INPP4B: variants seen among roughly 807,000 people sequenced by gnomAD.
INPP4B encodes inositol polyphosphate 4-phosphatase type II.
Under a neutral mutation model 122.5 loss-of-function variants are expected in INPP4B, and 55 were observed. That is an observed-to-expected ratio of 0.45 (90% CI 0.36 to 0.56). INPP4B has a LOEUF of 0.56. Among genes scored for constraint, INPP4B ranks in the 20% least tolerant of loss-of-function variants. INPP4B has a pLI of 0.00. For missense variants in INPP4B, 1,000 were observed against 1,097.7 expected (o/e 0.91, Z 1.26); for synonymous variants, 403 against 388.7 (o/e 1.04, Z -0.43).
At chr4:142,477,826 AC>A (rs1223309087) in intron 2 of INPP4B, among the ~76,000 whole-genome samples, 19 of 152,320 alleles carry the variant, frequency 1.2e-4, no homozygotes, top group African/African-American at 4.3e-4. Context: ...AGATGGATTC[AC>A]AGACAAATTC....
At position 142,024,852 on chromosome 4, in the gene INPP4B, GA is replaced by G. The variant is rs1736545715; in HGVS notation, c.*3929del. 6.6e-6 allele frequency: 1 copy of G among 152,088 alleles called. No homozygotes were observed. The highest frequency in any genetic ancestry group is 2.1e-4 in the South Asian group (1 of 4,826). 9.4% of individuals were successfully genotyped at this position (152,088 alleles called of 1,614,324 possible). The stretch of plus-strand genomic sequence containing the variant: ...CTGAGTTATTGCTTAGACTACAGTT[GA>G]ATTGCTAAGAATTCTCTGGCAAAGC... On this transcript the variant is annotated 3_prime_UTR_variant, in exon 26 of 26. Transcript: ENST00000262992.
chr4:142,679,892 CA>C (rs1263221575), intron 2 of INPP4B, among the ~76,000 whole-genome samples: 2 of 151,116 alleles, frequency 1.3e-5, no homozygotes, highest in Non-Finnish European at 3.0e-5. Flanking sequence ...CTCCCTGTGT[CA>C]AAACGTTAAA....
At chr4:142,388,856 A>C (rs1796777727) in intron 7 of INPP4B, among the ~76,000 whole-genome samples, 1 of 152,088 alleles carries the variant, frequency 6.6e-6, no homozygotes, top group Non-Finnish European at 1.5e-5. Context: ...AATTTTGCAG[A>C]TCTATTTTGC....
chr4:142,647,695 C>A (rs1378155222), intron 2 of INPP4B, among the ~76,000 whole-genome samples: 1 of 152,200 alleles, frequency 6.6e-6, no homozygotes, highest in East Asian at 1.9e-4. Context: ...GATCTGAATT[C>A]TAATCCCCTC....
chr4:142,419,666 T>C (rs574136351), intron 5 of INPP4B, among the ~76,000 whole-genome samples: 1 of 152,120 alleles, frequency 6.6e-6, no homozygotes, highest in East Asian at 1.9e-4. Context: ...TAAGAAGCAT[T>C]TGGGGCAAAG....
chr4:142,385,526 T>C (rs1055847123), intron 7 of INPP4B, among the ~76,000 whole-genome samples: 1 of 152,146 alleles, frequency 6.6e-6, no homozygotes, highest in Admixed American at 6.6e-5. Flanking sequence ...GAATAGGAAA[T>C]GGTCTTACCG....
chr4:142,200,460 C>A (rs1315167110), intron 14 of INPP4B, among the ~76,000 whole-genome samples: 3 of 151,970 alleles, frequency 2.0e-5, no homozygotes, highest in Non-Finnish European at 4.4e-5. Flanking sequence ...GGTGTCACTG[C>A]TTTCCCTTTC....
At chr4:142,741,192 A>G (rs1238684454) in intron 1 of INPP4B, among the ~76,000 whole-genome samples, 1 of 151,952 alleles carries the variant, frequency 6.6e-6, no homozygotes, top group Non-Finnish European at 1.5e-5. Flanking sequence ...TTTATACAGA[A>G]AAGAGATTTA....
intron 2 of INPP4B, among the ~76,000 whole-genome samples, chr4:142,505,548 A>G (rs1327607219): frequency 6.8e-6 from 1 of 146,748 alleles, no homozygotes; most frequent in African/African-American, 2.5e-5. Flanking sequence ...TAAGATTGTG[A>G]AAATAAAATG....
chr4:142,316,593 T>G (rs1192382975), intron 7 of INPP4B, among the ~76,000 whole-genome samples: 1 of 152,174 alleles, frequency 6.6e-6, no homozygotes. Flanking sequence ...TACATTAATT[T>G]TTTAAAAAAT....
In INPP4B at chr4:142,795,628, T is replaced by C. The variant is rs538030358; in HGVS notation, c.-254+50581A>G. ...CCTTCACGAGGCTGTGTGAAAAACATAGCAGAGCTTAGAACAGTATCTGTC... is the reference window on the plus strand; with the variant it reads ...CCTTCACGAGGCTGTGTGAAAAACACAGCAGAGCTTAGAACAGTATCTGTC... On this transcript the variant is annotated intron_variant, in intron 1 of 25. Coordinates refer to ENST00000262992, the MANE Select transcript of INPP4B (RefSeq NM_001101669.3). 1.6e-3 allele frequency: 243 copies of C among 152,122 alleles called. 1 individual carries two copies. The highest frequency in any genetic ancestry group is 5.4e-3 in the African/African-American group (226 of 41,542). 9.4% of individuals were successfully genotyped at this position (152,122 alleles called of 1,614,324 possible).
At chr4:142,170,446 A>G (rs536656725) in intron 16 of INPP4B, among the ~76,000 whole-genome samples, 12 of 151,824 alleles carry the variant, frequency 7.9e-5, no homozygotes, top group African/African-American at 2.9e-4. Context: ...ACAAGCATCC[A>G]TATAGCAATC....
intron 9 of INPP4B, among the ~76,000 whole-genome samples, chr4:142,279,457 T>C (rs893064280): frequency 1.3e-5 from 2 of 151,842 alleles, no homozygotes; most frequent in Admixed American, 6.6e-5. Context: ...ATATAACCAA[T>C]TGATTTTTGA....
chr4:142,480,129 C>A (rs944450996), intron 2 of INPP4B, among the ~76,000 whole-genome samples: 1 of 152,116 alleles, frequency 6.6e-6, no homozygotes, highest in African/African-American at 2.4e-5. Flanking sequence ...AGAAAGATTG[C>A]AAAGACATAA....
intron 2 of INPP4B, among the ~76,000 whole-genome samples, chr4:142,633,127 A>C (rs61371792): frequency 0.16 from 24,820 of 151,934 alleles, 3,638 homozygotes; most frequent in East Asian, 0.75. Flanking sequence ...GCAATCTCTA[A>C]GTCAAGAAAA....
intron 2 of INPP4B, among the ~76,000 whole-genome samples, chr4:142,466,224 C>T (rs528986572): frequency 3.9e-5 from 6 of 152,152 alleles, no homozygotes; most frequent in African/African-American, 7.2e-5. Flanking sequence ...ATGGTTGTGA[C>T]GAAAATGCTG....
At chr4:142,072,544 T>C (rs1347904488) in intron 25 of INPP4B, among the ~76,000 whole-genome samples, 1 of 151,466 alleles carries the variant, frequency 6.6e-6, no homozygotes, top group African/African-American at 2.4e-5. Context: ...AAATGACTTT[T>C]TTTTTTTTTT....
chr4:142,242,337 G>A (rs1859834187), intron 11 of INPP4B, among the ~76,000 whole-genome samples: 3 of 152,250 alleles, frequency 2.0e-5, no homozygotes, highest in African/African-American at 4.8e-5. Context: ...TACCCTGAAT[G>A]CAGCCAAACC....
At chr4:142,439,194 G>A (rs377001158) in intron 3 of INPP4B, among the ~76,000 whole-genome samples, 8 of 152,072 alleles carry the variant, frequency 5.3e-5, no homozygotes, top group South Asian at 4.1e-4. Flanking sequence ...TGCCTGTTGC[G>A]GGATTTTGCT....
Sources: gnomAD v4.1 joint callset for allele counts (sites outside exome capture counted in the v4.1 genomes callset) on GRCh38, gnomAD v4.1.1 for gene constraint, MANE v1.5 for transcripts, NCBI Gene and HGNC (gene_info 2026-07-23, HGNC 2026-07-21) for gene names.